Variants in PDGFRA observed in about 807,000 individuals in gnomAD.
PDGFRA encodes the protein platelet-derived growth factor receptor alpha.
A neutral mutation model predicts 121.5 loss-of-function variants in PDGFRA; 25 were observed. That is an observed-to-expected ratio of 0.21 (90% CI 0.15 to 0.29). PDGFRA has a LOEUF of 0.29. Among genes scored for constraint, PDGFRA ranks in the 10% least tolerant of loss-of-function variants. The pLI is 1.00. For synonymous variants in PDGFRA, 463 were observed against 494.8 expected (o/e 0.94, Z 0.85); for missense variants, 1,008 against 1,345.1 (o/e 0.75, Z 3.92).
In PDGFRA at chr4:54,258,754, T is replaced by C. The variant is rs976418670; in HGVS notation, c.-12-3T>C. ...TGTTTCTGTTGACTTTTGACTTTTC[T>C]AGTTTCCCAGAGCTATGGGGACTTC... On this transcript the variant is annotated splice_polypyrimidine_tract_variant and splice_region_variant and intron_variant, in intron 1 of 22. Coordinates refer to ENST00000257290, the MANE Select transcript of PDGFRA (RefSeq NM_006206.6). 2 of 1,605,738 alleles carry C rather than the reference T, an allele frequency of 1.2e-6. No homozygotes were observed. Among genetic ancestry groups the C allele is most frequent in the Non-Finnish European group, 1.7e-6 (2 of 1,172,370 alleles).
At chr4:54,277,717 T>C (rs1723815346) in intron 13 of PDGFRA, among the ~76,000 whole-genome samples, 179 bp from the exon 14 acceptor site, 1 of 152,194 alleles carries the variant, frequency 6.6e-6, no homozygotes, top group Non-Finnish European at 1.5e-5. Flanking sequence ...TGACTTCTTT[T>C]TACTAGAAAG....
intron 16 of PDGFRA, among the ~76,000 whole-genome samples, chr4:54,282,281 G>A (rs572842007): frequency 1.3e-5 from 2 of 152,200 alleles, no homozygotes; most frequent in South Asian, 4.2e-4. Context: ...GATTCTGCAG[G>A]CTTTACAGGA....
intron 1 of PDGFRA, among the ~76,000 whole-genome samples, chr4:54,248,628 G>T (rs1040253653): frequency 6.6e-6 from 1 of 152,172 alleles, no homozygotes. Context: ...AGAAAACCTA[G>T]GCATTACCAT....
intron 1 of PDGFRA, 100 bp from the exon 2 acceptor site, chr4:54,258,657 T>A: frequency 1.2e-6 from 1 of 803,098 alleles, no homozygotes; most frequent in East Asian, 2.4e-5. Context: ...ACTAAAATGA[T>A]GCTGTTAATA....
chr4:54,291,480 C>T (rs928527201), intron 22 of PDGFRA, among the ~76,000 whole-genome samples: 10 of 151,222 alleles, frequency 6.6e-5, no homozygotes, highest in Non-Finnish European at 1.3e-4. Flanking sequence ...CATAAGCAGA[C>T]ACTTTTCAAA....
intron 12 of PDGFRA, 41 bp from the exon 13 acceptor site, chr4:54,277,347 G>A (rs542263601): frequency 2.5e-5 from 34 of 1,382,386 alleles, no homozygotes; most frequent in South Asian, 2.0e-4. Context: ...CTGAGGAGGC[G>A]TCTGGAGTTT....
rs544503522 is a variant in PDGFRA, at chr4:54,297,528, G to T, written c.*2256G>T. On this transcript the variant is annotated 3_prime_UTR_variant, in exon 23 of 23. Coordinates refer to ENST00000257290, the MANE Select transcript of PDGFRA (RefSeq NM_006206.6). ...ACTCTCCCTTGTACAGCCTTATTTT[G>T]TTGGTGCTTTGCATTTTGATATTGC... is the stretch of plus-strand genomic sequence containing the variant. 23 of 233,648 alleles carry T rather than the reference G, an allele frequency of 9.8e-5. 1 individual carries two copies. Among genetic ancestry groups the T allele is most frequent in the East Asian group, 9.7e-4 (16 of 16,576 alleles). 14.5% of individuals were successfully genotyped at this position (233,648 alleles called of 1,614,324 possible).
chr4:54,263,948 C>T (rs1427041482), intron 4 of PDGFRA, 21 bp downstream of exon 4: 1 of 1,610,362 alleles, frequency 6.2e-7, no homozygotes, highest in South Asian at 1.1e-5. Context: ...CATCTCCTTC[C>T]TTCTTTAAAT....
chr4:54,241,942 T>C (rs939686235), intron 1 of PDGFRA, among the ~76,000 whole-genome samples: 1 of 152,230 alleles, frequency 6.6e-6, no homozygotes, highest in African/African-American at 2.4e-5. Context: ...TTCAGTAAGA[T>C]TGCAAGAAAT....
Position 54,285,367 on chromosome 4 carries a change from G to C in PDGFRA, c.2324-4G>C, listed in dbSNP as rs1553905941. ...CACCAATACATTTAATTTCTTTTCT[G>C]CAGACTCAGAAGTCAAAAACCTCCT... is the stretch of plus-strand genomic sequence containing the variant. On this transcript the variant is annotated splice_region_variant and splice_polypyrimidine_tract_variant and intron_variant, in intron 16 of 22. Coordinates refer to ENST00000257290, the MANE Select transcript of PDGFRA (RefSeq NM_006206.6). 3 of 1,170,510 alleles carry C rather than the reference G, an allele frequency of 2.6e-6. No individual in the cohort carries two copies. The African/African-American group carries it at 4.5e-5, about 18-fold the overall frequency. The allele number at this position is 1,170,510 out of a possible 1,614,324, so 72.5% of individuals were successfully genotyped here. A position where few individuals can be genotyped will look rare whatever the true frequency, so the allele number is the denominator to read the frequency against.
At chr4:54,255,808 CTTT>C (rs1393280146) in intron 1 of PDGFRA, among the ~76,000 whole-genome samples, 1 of 148,794 alleles carries the variant, frequency 6.7e-6, no homozygotes, top group South Asian at 2.1e-4. Context: ...CCCTTCCCTC[CTTT>C]TTTTTTTAAA....
intron 5 of PDGFRA, 90 bp downstream of exon 5, chr4:54,265,139 C>A: frequency 8.0e-7 from 1 of 1,252,054 alleles, no homozygotes; most frequent in Non-Finnish European, 1.2e-6. Context: ...CTGATGGGCA[C>A]ATCACTGAGT....
chr4:54,281,697 C>T (rs762823955), intron 16 of PDGFRA: 15 of 1,362,552 alleles, frequency 1.1e-5, no homozygotes, highest in Admixed American at 2.2e-5. Flanking sequence ...TGAAAAAAAT[C>T]GTGAATGGCT....
At chr4:54,254,715 A>G (rs1722259513) in intron 1 of PDGFRA, among the ~76,000 whole-genome samples, 2 of 152,202 alleles carry the variant, frequency 1.3e-5, no homozygotes, top group Admixed American at 6.5e-5. Context: ...ATTTACATGT[A>G]GAAGCACACA....
intron 5 of PDGFRA, chr4:54,265,434 A>T (rs907224171): frequency 6.5e-6 from 2 of 305,964 alleles, no homozygotes; most frequent in African/African-American, 4.3e-5. Context: ...CTGTGCCCTG[A>T]GGTTTGATTC....
At chr4:54,256,140 T>C (rs547594144) in intron 1 of PDGFRA, among the ~76,000 whole-genome samples, 2 of 152,136 alleles carry the variant, frequency 1.3e-5, no homozygotes, top group Non-Finnish European at 2.9e-5. Context: ...CCCAGTACTT[T>C]GGGAGGCCAA....
At chr4:54,286,602 C>T (rs1007537299) in intron 18 of PDGFRA, among the ~76,000 whole-genome samples, 2 of 152,100 alleles carry the variant, frequency 1.3e-5, no homozygotes, top group Admixed American at 1.3e-4. Context: ...AGTGATCTAC[C>T]TGCCTCAGCC....
intron 8 of PDGFRA, 115 bp from the exon 9 acceptor site, chr4:54,272,279 C>T (rs1377934688): frequency 8.2e-6 from 9 of 1,091,072 alleles, no homozygotes; most frequent in East Asian, 2.4e-5. Context: ...GTTTCAGCCC[C>T]TCCGGAGTGT....
chr4:54,286,858 T>G (rs2110340130), intron 18 of PDGFRA, among the ~76,000 whole-genome samples: 1 of 152,354 alleles, frequency 6.6e-6, no homozygotes, highest in South Asian at 2.1e-4. Flanking sequence ...CTTGAACCAT[T>G]CTTCCCATCC....
Sources: gnomAD v4.1 joint callset for allele counts (sites outside exome capture counted in the v4.1 genomes callset) on GRCh38, gnomAD v4.1.1 for gene constraint, MANE v1.5 for transcripts, NCBI Gene and HGNC (gene_info 2026-07-23, HGNC 2026-07-21) for gene names.